LPP: variants seen among roughly 807,000 people sequenced by gnomAD.
LPP encodes LIM domain containing preferred translocation partner in lipoma.
A neutral mutation model predicts 60.4 loss-of-function variants in LPP; 38 were observed. The observed-to-expected ratio is 0.63, with a 90% CI of 0.49 to 0.83. The LOEUF is 0.83. LPP is among the 40% of genes least tolerant of loss of function. LPP has a pLI of 0.00. For synonymous variants in LPP, 328 were observed against 290.8 expected (o/e 1.13, Z -1.30); for missense variants, 902 against 783.6 (o/e 1.15, Z -1.80).
intron 8 of LPP, among the ~76,000 whole-genome samples, chr3:188,743,199 T>A (rs1004776877): frequency 6.6e-6 from 1 of 152,142 alleles, no homozygotes; most frequent in Non-Finnish European, 1.5e-5. Flanking sequence ...TTTTAAGAAA[T>A]TAAAACATTT....
intron 7 of LPP, among the ~76,000 whole-genome samples, chr3:188,687,336 G>A (rs962234435): frequency 3.3e-5 from 5 of 152,152 alleles, no homozygotes; most frequent in Non-Finnish European, 7.3e-5. Flanking sequence ...TTTCTTACTA[G>A]CTGATATGGT....
At chr3:188,353,615 C>T (rs1242770364) in intron 3 of LPP, among the ~76,000 whole-genome samples, 4 of 152,272 alleles carry the variant, frequency 2.6e-5, no homozygotes, top group East Asian at 1.9e-4. Context: ...CACTACATAC[C>T]GAAGAGGTCT....
At chr3:188,831,395 A>G (rs543480784) in intron 9 of LPP, among the ~76,000 whole-genome samples, 5 of 152,304 alleles carry the variant, frequency 3.3e-5, no homozygotes, top group Admixed American at 3.3e-4. Context: ...TAGTTGCCCC[A>G]ACAGCTGCTA....
rs1770329394 is a variant in LPP, at chr3:188,883,732, C to CCAAAAAA, written c.*9253_*9254insCAAAAAA. On this transcript the variant is annotated 3_prime_UTR_variant, in exon 12 of 12. Transcript: ENST00000617246. ...TGGGCGACAGAACGAGACTCCGTCT[C>CCAAAAAA]AAAAAAAAAAAAAAAAAAAAAAGGT... The CCAAAAAA allele has an allele frequency of 1.5e-5, 1 of 67,396 alleles. No homozygotes were observed. Among genetic ancestry groups the CCAAAAAA allele is most frequent in the Non-Finnish European group, 2.6e-5 (1 of 39,070 alleles). 4.2% of individuals were successfully genotyped at this position (67,396 alleles called of 1,614,324 possible).
intron 3 of LPP, among the ~76,000 whole-genome samples, chr3:188,399,893 T>C (rs1365501258): frequency 1.3e-5 from 2 of 152,240 alleles, no homozygotes; most frequent in African/African-American, 4.8e-5. Context: ...TTTCTGTTTT[T>C]GTGGGTGACA....
chr3:188,706,814 A>G (rs1397162233), intron 7 of LPP, among the ~76,000 whole-genome samples: 2 of 152,210 alleles, frequency 1.3e-5, no homozygotes, highest in Non-Finnish European at 2.9e-5. Context: ...TTAACAATGC[A>G]TAAATATCAA....
intron 2 of LPP, among the ~76,000 whole-genome samples, chr3:188,250,636 T>C (rs1183505511): frequency 1.3e-5 from 2 of 152,144 alleles, no homozygotes; most frequent in Non-Finnish European, 2.9e-5. Flanking sequence ...TTCAGCATCC[T>C]GCGTTCTACT....
chr3:188,390,367 A>G (rs1186339302), intron 3 of LPP, among the ~76,000 whole-genome samples: 1 of 152,118 alleles, frequency 6.6e-6, no homozygotes, highest in Non-Finnish European at 1.5e-5. Flanking sequence ...AGTACTATTT[A>G]TAGCTTTCCT....
At position 188,437,920 on chromosome 3, in the gene LPP, G is replaced by A. The variant is rs73050799; in HGVS notation, c.193+31607G>A. ...TTAATTAAATTCCATTCTGCAGTAA[G>A]TGTGATAGCTTTGCCGAAGCACTTG... is the stretch of plus-strand genomic sequence containing the variant. On this transcript the variant is annotated intron_variant, in intron 4 of 11. Coordinates refer to ENST00000617246, the MANE Select transcript of LPP (RefSeq NM_001375462.1). Among the ~76,000 whole-genome samples the A allele has an allele frequency of 9.1e-3, 1,382 of 152,254 alleles. 26 individuals carry two copies. Among genetic ancestry groups the A allele is most frequent in the African/African-American group, 0.032 (1,334 of 41,546 alleles).
intron 6 of LPP, among the ~76,000 whole-genome samples, chr3:188,573,627 T>C (rs1164856291): frequency 2.0e-5 from 3 of 152,160 alleles, no homozygotes; most frequent in Non-Finnish European, 4.4e-5. Context: ...GTCTACTCCA[T>C]TATCAATGAT....
chr3:188,797,285 A>G (rs1002082657), intron 9 of LPP, among the ~76,000 whole-genome samples: 1 of 152,152 alleles, frequency 6.6e-6, no homozygotes. Context: ...GCTAGAAGCT[A>G]TTAAAGTGTT....
chr3:188,424,205 A>T (rs1788670368), intron 4 of LPP, among the ~76,000 whole-genome samples: 1 of 152,122 alleles, frequency 6.6e-6, no homozygotes, highest in African/African-American at 2.4e-5. Flanking sequence ...GCATTTATTA[A>T]ATAGAGAATC....
At chr3:188,215,222 C>T (rs1309004466) in intron 1 of LPP, among the ~76,000 whole-genome samples, 1 of 151,884 alleles carries the variant, frequency 6.6e-6, no homozygotes, top group Non-Finnish European at 1.5e-5. Flanking sequence ...GGGAGGATTG[C>T]TTGAATCCAG....
At chr3:188,276,695 T>TTCTC (rs768545804) in intron 2 of LPP, among the ~76,000 whole-genome samples, 50 of 16,418 alleles carry the variant, frequency 3.0e-3, no homozygotes, top group Non-Finnish European at 4.1e-3. Flanking sequence ...CTCTCTCTCT[T>TTCTC]TCTCTCTCTC....
At chr3:188,541,742 C>A (rs984027101) in intron 6 of LPP, among the ~76,000 whole-genome samples, 4 of 151,838 alleles carry the variant, frequency 2.6e-5, no homozygotes, top group Admixed American at 2.6e-4. Context: ...AATAAAAATA[C>A]AAAAATTAGC....
At chr3:188,158,715 A>G (rs914394822) in intron 1 of LPP, among the ~76,000 whole-genome samples, 5 of 152,222 alleles carry the variant, frequency 3.3e-5, no homozygotes, top group Non-Finnish European at 7.3e-5. Flanking sequence ...TGCAGATGAG[A>G]AAATGAATTT....
chr3:188,210,517 G>T (rs1734417106), intron 1 of LPP, among the ~76,000 whole-genome samples: 1 of 152,198 alleles, frequency 6.6e-6, no homozygotes, highest in Non-Finnish European at 1.5e-5. Context: ...AATGGGGCAG[G>T]CACTGGGCTT....
At chr3:188,252,170 CATATATATATATATATAT>C (rs10609191) in intron 2 of LPP, among the ~76,000 whole-genome samples, 9,731 of 101,866 alleles carry the variant, frequency 0.096, 974 homozygotes, top group African/African-American at 0.25. Flanking sequence ...CTTCCCCAAA[CATATATATATATATATAT>C]ATATATATAT....
chr3:188,678,019 A>T (rs1003499606), intron 7 of LPP, among the ~76,000 whole-genome samples: 8 of 152,230 alleles, frequency 5.3e-5, no homozygotes, highest in African/African-American at 1.7e-4. Context: ...AAACGGCCAA[A>T]TCTTCAACTA....
Sources: allele counts gnomAD v4.1 joint callset (sites outside exome capture counted in the v4.1 genomes callset), GRCh38; gene constraint gnomAD v4.1.1; transcripts MANE v1.5; gene names NCBI Gene and HGNC (gene_info 2026-07-23, HGNC 2026-07-21).